ROBO2: variants seen among roughly 807,000 people sequenced by gnomAD.
The protein encoded by ROBO2 is roundabout homolog 2.
A neutral mutation model predicts 160.8 loss-of-function variants in ROBO2; 53 were observed. That is an observed-to-expected ratio of 0.33 (90% CI 0.26 to 0.41). The LOEUF is 0.41. ROBO2 is among the 10% of genes least tolerant of loss of function. ROBO2 has a pLI of 1.00. For synonymous variants in ROBO2, 664 were observed against 611.7 expected (o/e 1.09, Z -1.26); for missense variants, 1,577 against 1,722.4 (o/e 0.92, Z 1.49).
intron 2 of ROBO2, among the ~76,000 whole-genome samples, chr3:76,234,787 C>T (rs1305957405): frequency 6.6e-6 from 1 of 152,062 alleles, no homozygotes; most frequent in African/African-American, 2.4e-5. Flanking sequence ...CACAAGTGAC[C>T]CCTTTGTTCT....
intron 5 of ROBO2, among the ~76,000 whole-genome samples, chr3:77,511,551 G>T (rs2089400270): frequency 6.6e-6 from 1 of 151,936 alleles, no homozygotes; most frequent in Admixed American, 6.6e-5. Flanking sequence ...TCTTCGCTTA[G>T]TTTTTTAGCT....
rs914543165 is a variant in ROBO2 at position 76,500,769 on chromosome 3, T to C, written c.109+563167T>C. 3.9e-5 allele frequency among the ~76,000 whole-genome samples: 6 copies of C among 152,218 alleles called. No individual in the cohort carries two copies. The East Asian group carries it at 9.6e-4, about 24-fold the overall frequency. ...AAGTTGGAAGTTGGATATCTTTGCA[T>C]GGTGATTTCGCGGTTCAAAATTTTC... On this transcript the variant is annotated intron_variant, in intron 2 of 26. Coordinates refer to the ROBO2 transcript ENST00000487694.
chr3:76,702,446 A>AAAAC lies in ROBO2; in HGVS notation c.110-395550_110-395547dup, dbSNP rs201656155. 8.5e-4 allele frequency among the ~76,000 whole-genome samples: 130 copies of AAAAC among 152,094 alleles called. No homozygotes were observed. The Middle Eastern group carries it at 0.01, about 12-fold the overall frequency. ...GAAAAATCAATTGAGGTTCATATAC[A>AAAAC]AAACAAACAAACAAACAAACAGAAA... On this transcript the variant is annotated intron_variant, in intron 2 of 26. Coordinates refer to the ROBO2 transcript ENST00000487694.
intron 2 of ROBO2, among the ~76,000 whole-genome samples, chr3:76,549,352 A>G (rs4123543): frequency 0.68 from 102,754 of 151,944 alleles, 35,130 homozygotes; most frequent in African/African-American, 0.77. Flanking sequence ...AGCAGACCAC[A>G]GTGGCTGTGG....
At chr3:76,306,551 T>C (rs113979084) in intron 2 of ROBO2, among the ~76,000 whole-genome samples, 1 of 152,146 alleles carries the variant, frequency 6.6e-6, no homozygotes. Flanking sequence ...TGCTTAATGG[T>C]GTCAAAGTTG....
At chr3:77,459,861 C>T (rs553061237) in intron 2 of ROBO2, among the ~76,000 whole-genome samples, 9 of 141,526 alleles carry the variant, frequency 6.4e-5, no homozygotes, top group Non-Finnish European at 9.0e-5. Flanking sequence ...GTAGATACTA[C>T]GAGATGAGAG....
chr3:77,225,738 C>A (rs1197056679), intron 2 of ROBO2, among the ~76,000 whole-genome samples: 1 of 151,950 alleles, frequency 6.6e-6, no homozygotes, highest in Non-Finnish European at 1.5e-5. Context: ...ATTAAATACA[C>A]TTAATAGTGT....
At chr3:76,289,673 T>G (rs1208603725) in intron 2 of ROBO2, among the ~76,000 whole-genome samples, 1 of 152,176 alleles carries the variant, frequency 6.6e-6, no homozygotes, top group Non-Finnish European at 1.5e-5. Flanking sequence ...TTGTATATGG[T>G]AAAAAGAAGT....
At chr3:76,464,066 C>A (rs1365099627) in intron 2 of ROBO2, among the ~76,000 whole-genome samples, 1 of 152,002 alleles carries the variant, frequency 6.6e-6, no homozygotes. Context: ...TGGGAAGGGG[C>A]CTTGTTCTCC....
intron 2 of ROBO2, among the ~76,000 whole-genome samples, chr3:76,387,088 C>T (rs529600979): frequency 6.6e-6 from 1 of 152,234 alleles, no homozygotes; most frequent in East Asian, 1.9e-4. Flanking sequence ...GTGACAATTG[C>T]TCTCTGCTTC....
intron 2 of ROBO2, among the ~76,000 whole-genome samples, chr3:76,608,722 C>A (rs1227191296): frequency 6.6e-6 from 1 of 152,012 alleles, no homozygotes; most frequent in Non-Finnish European, 1.5e-5. Context: ...AAATTTAAGT[C>A]TTTAATTTTG....
At chr3:76,604,402 T>C (rs1302247966) in intron 2 of ROBO2, among the ~76,000 whole-genome samples, 2 of 152,164 alleles carry the variant, frequency 1.3e-5, no homozygotes, top group Admixed American at 6.5e-5. Context: ...GGTGATCTTA[T>C]GTGTGAATAT....
chr3:76,804,371 A>C (rs2064500200), intron 2 of ROBO2, among the ~76,000 whole-genome samples: 1 of 152,196 alleles, frequency 6.6e-6, no homozygotes, highest in Admixed American at 6.5e-5. Context: ...GCAGAATTGA[A>C]CATGGTACAG....
In ROBO2 at chr3:76,985,662, C is replaced by T. The variant is rs1237068128; in HGVS notation, c.110-112352C>T. Among the ~76,000 whole-genome samples, 3 of 143,602 alleles carry T rather than the reference C, an allele frequency of 2.1e-5. No individual in the cohort carries two copies. In the East Asian group the frequency reaches 6.2e-4, roughly 30 times the overall value. The allele number at this position is 143,602 out of a possible 152,430, so 94.2% of individuals were successfully genotyped here. On this transcript the variant is annotated intron_variant, in intron 2 of 26. Coordinates refer to the ROBO2 transcript ENST00000487694. ...AGCAGTTCATTTCTCTCTAGGAGGA[C>T]ATAATCAATTTGAACATTGTTAGCA...
intron 2 of ROBO2, among the ~76,000 whole-genome samples, chr3:76,591,120 CT>C (rs1490654116): frequency 6.6e-6 from 1 of 151,996 alleles, no homozygotes; most frequent in African/African-American, 2.4e-5. Context: ...GACTGGAAGC[CT>C]TACTGATAAT....
chr3:76,163,069 A>G (rs1425789602), intron 2 of ROBO2, among the ~76,000 whole-genome samples: 1 of 152,158 alleles, frequency 6.6e-6, no homozygotes, highest in African/African-American at 2.4e-5. Context: ...TTAGTCTAAA[A>G]CATTTCGAGT....
At chr3:76,524,575 G>A (rs1412618008) in intron 2 of ROBO2, among the ~76,000 whole-genome samples, 1 of 151,506 alleles carries the variant, frequency 6.6e-6, no homozygotes, top group Non-Finnish European at 1.5e-5. Context: ...GCTTTTCAAT[G>A]GAATTCAATG....
chr3:76,116,557 G>A (rs935358369), intron 2 of ROBO2, among the ~76,000 whole-genome samples: 1 of 152,120 alleles, frequency 6.6e-6, no homozygotes, highest in African/African-American at 2.4e-5. Flanking sequence ...TCTAGTTTTG[G>A]TGACAGAATT....
chr3:77,195,826 C>G (rs1481230983), intron 2 of ROBO2, among the ~76,000 whole-genome samples: 1 of 152,192 alleles, frequency 6.6e-6, no homozygotes, highest in Non-Finnish European at 1.5e-5. Context: ...TCCCCACCTA[C>G]CAGACCTCAT....
Sources: allele counts gnomAD v4.1 joint callset (sites outside exome capture counted in the v4.1 genomes callset), GRCh38; gene constraint gnomAD v4.1.1; transcripts MANE v1.5; gene names NCBI Gene and HGNC (gene_info 2026-07-23, HGNC 2026-07-21).